ZRANB3: variants seen among roughly 807,000 people sequenced by gnomAD.
The protein encoded by ZRANB3 is zinc finger RANBP2-type containing 3.
Under a neutral mutation model 133.8 loss-of-function variants are expected in ZRANB3, and 125 were observed. That is an observed-to-expected ratio of 0.93 (90% CI 0.81 to 1.08). The LOEUF (loss-of-function observed/expected upper bound fraction) is 1.08, where lower values mean the gene tolerates loss of function less well. Among genes scored for constraint, ZRANB3 ranks in the 50% least tolerant of loss-of-function variants. The pLI, the probability that ZRANB3 is intolerant of heterozygous loss-of-function variation, is 0.00. For synonymous variants in ZRANB3, 387 were observed against 432.7 expected, an observed-to-expected ratio of 0.89 and a Z score of 1.31; for missense variants, 1,229 against 1,275.5, an observed-to-expected ratio of 0.96 and a Z score of 0.56.
At chr2:135,210,893 G>A (rs927204662) in intron 17 of ZRANB3, among the ~76,000 whole-genome samples, 6 of 152,096 alleles carry the variant, frequency 3.9e-5, no homozygotes, top group Non-Finnish European at 8.8e-5. Context: ...TCTGGGCATA[G>A]TGGTGTGTGT....
chr2:135,270,312 T>C (rs1301619866), intron 10 of ZRANB3, among the ~76,000 whole-genome samples: 2 of 152,182 alleles, frequency 1.3e-5, no homozygotes, highest in South Asian at 2.1e-4. Flanking sequence ...GCAAGATCAA[T>C]ACCACTCTAA....
chr2:135,225,144 G>A (rs892790496), intron 14 of ZRANB3, among the ~76,000 whole-genome samples: 12 of 152,308 alleles, frequency 7.9e-5, no homozygotes, highest in South Asian at 4.1e-4. Context: ...GCCAGGCACT[G>A]TTGTAGGTAC....
At chr2:135,348,548 T>A (rs1685052005) in intron 5 of ZRANB3, among the ~76,000 whole-genome samples, 1 of 152,186 alleles carries the variant, frequency 6.6e-6, no homozygotes, top group Admixed American at 6.5e-5. Context: ...TATAAGTAGA[T>A]GAGTATTCAT....
At chr2:135,296,029 C>G (rs60548511) in intron 8 of ZRANB3, among the ~76,000 whole-genome samples, 15,888 of 152,172 alleles carry the variant, frequency 0.1, 1,091 homozygotes, top group South Asian at 0.32. Flanking sequence ...TTCATTTCAA[C>G]TTTGGTGAAT....
At chr2:135,402,371 T>G (rs1367044408) in intron 2 of ZRANB3, among the ~76,000 whole-genome samples, 8 of 151,396 alleles carry the variant, frequency 5.3e-5, no homozygotes, top group East Asian at 1.9e-4. Flanking sequence ...CTTGGCTCAC[T>G]GCAACCTCCG....
At chr2:135,312,130 TTTA>T (rs1176898371) in intron 8 of ZRANB3, among the ~76,000 whole-genome samples, 2 of 100,038 alleles carry the variant, frequency 2.0e-5, no homozygotes, top group African/African-American at 1.4e-4. Context: ...TTTATTTTAT[TTTA>T]TTATTTTATT....
intron 8 of ZRANB3, among the ~76,000 whole-genome samples, chr2:135,300,881 T>C (rs1157866851): frequency 1.3e-5 from 2 of 152,212 alleles, no homozygotes; most frequent in Non-Finnish European, 2.9e-5. Flanking sequence ...AATCTGATTA[T>C]TGTACTCCAA....
At chr2:135,304,637 TC>T (rs1303275074) in intron 8 of ZRANB3, among the ~76,000 whole-genome samples, 2 of 152,130 alleles carry the variant, frequency 1.3e-5, no homozygotes, top group African/African-American at 4.8e-5. Context: ...TGTTAAATGT[TC>T]AATGGAATAT....
rs114616099 is a variant in ZRANB3, at chr2:135,204,535, G to A, written c.3010-1572C>T. Among the ~76,000 whole-genome samples the A allele has an allele frequency of 3.0e-3, 449 of 151,194 alleles. 2 individuals are homozygous for A. Among genetic ancestry groups the A allele is most frequent in the African/African-American group, 0.01 (426 of 41,198 alleles). ...TCACTTGATGTGGTAGTGCATGCCT[G>A]TAATCCCAGATGTTTGGGAGGCTGA... On this transcript the variant is annotated intron_variant, in intron 19 of 20. Transcript: ENST00000264159.
intron 2 of ZRANB3, among the ~76,000 whole-genome samples, chr2:135,467,489 C>G (rs543961224): frequency 6.6e-6 from 1 of 152,334 alleles, no homozygotes; most frequent in African/African-American, 2.4e-5. Context: ...CTATGCCCAT[C>G]TCTGCCCTCC....
At chr2:135,526,453 T>G (rs1694166336) in intron 1 of ZRANB3, among the ~76,000 whole-genome samples, 1 of 152,146 alleles carries the variant, frequency 6.6e-6, no homozygotes, top group Admixed American at 6.5e-5. Flanking sequence ...CGTGAGCCAA[T>G]GAGCCCAACC....
At chr2:135,466,346 G>T (rs186233414) in intron 2 of ZRANB3, among the ~76,000 whole-genome samples, 12 of 123,926 alleles carry the variant, frequency 9.7e-5, no homozygotes, top group African/African-American at 3.9e-4. Flanking sequence ...TCATGCCACT[G>T]CACTCCAGCC....
intron 8 of ZRANB3, among the ~76,000 whole-genome samples, chr2:135,296,523 G>A (rs1017096755): frequency 2.0e-5 from 3 of 151,668 alleles, no homozygotes; most frequent in South Asian, 2.1e-4. Flanking sequence ...CCATTGGCTC[G>A]AACTTCCTCC....
At chr2:135,253,781 A>G (rs1260834004) in intron 12 of ZRANB3, among the ~76,000 whole-genome samples, 1 of 152,218 alleles carries the variant, frequency 6.6e-6, no homozygotes, top group African/African-American at 2.4e-5. Flanking sequence ...CTTCCATTGC[A>G]TATGTGATCG....
intron 2 of ZRANB3, among the ~76,000 whole-genome samples, chr2:135,451,746 A>T (rs1427888922): frequency 6.6e-6 from 1 of 152,192 alleles, no homozygotes; most frequent in East Asian, 1.9e-4. Flanking sequence ...CACTAGAAGG[A>T]TATTAAAACT....
intron 8 of ZRANB3, among the ~76,000 whole-genome samples, chr2:135,302,712 G>T (rs1682492749): frequency 6.6e-6 from 1 of 152,000 alleles, no homozygotes; most frequent in Non-Finnish European, 1.5e-5. Flanking sequence ...TTTTAGTAGA[G>T]ACAGGGTTTC....
chr2:135,219,242 A>T, intron 15 of ZRANB3, 64 bp from the exon 16 acceptor site: 4 of 1,033,124 alleles, frequency 3.9e-6, no homozygotes, highest in Non-Finnish European at 5.5e-6. Context: ...ACTATTTTAA[A>T]TGAAAATAAT....
At chr2:135,423,829 C>T (rs1688963571) in intron 2 of ZRANB3, among the ~76,000 whole-genome samples, 1 of 152,212 alleles carries the variant, frequency 6.6e-6, no homozygotes. Context: ...GACAATCAGA[C>T]CAGCCCACAA....
intron 3 of ZRANB3, among the ~76,000 whole-genome samples, chr2:135,354,259 C>A (rs1685333552): frequency 6.6e-6 from 1 of 152,090 alleles, no homozygotes; most frequent in Admixed American, 6.6e-5. Flanking sequence ...GTCTTAACAG[C>A]ACAAAACCAT....
Sources: gnomAD v4.1 joint callset for allele counts (sites outside exome capture counted in the v4.1 genomes callset) on GRCh38, gnomAD v4.1.1 for gene constraint, MANE v1.5 for transcripts, NCBI Gene and HGNC (gene_info 2026-07-23, HGNC 2026-07-21) for gene names.